The following IFT122 variants were observed in gnomAD, a reference collection of about 807,000 sequenced individuals.
IFT122 encodes the protein intraflagellar transport 122.
IFT122 carries 118 observed loss-of-function variants against 161.6 expected under a neutral mutation model. The observed-to-expected ratio is 0.73, with a 90% CI of 0.63 to 0.85. The LOEUF is 0.85. IFT122 is among the 40% of genes least tolerant of loss of function. The pLI is 0.00. For missense variants in IFT122, 1,381 were observed against 1,579.6 expected (o/e 0.87, Z 2.13); for synonymous variants, 550 against 602.4 (o/e 0.91, Z 1.27).
chr3:129,445,325 C>CAA (rs150690971), intron 1 of IFT122, among the ~76,000 whole-genome samples: 2 of 151,128 alleles, frequency 1.3e-5, no homozygotes, highest in South Asian at 2.1e-4. Flanking sequence ...GACTCCACCT[C>CAA]AAAAAAAACA....
chr3:129,449,099 C>T (rs1254253688), intron 1 of IFT122, among the ~76,000 whole-genome samples: 2 of 152,120 alleles, frequency 1.3e-5, no homozygotes, highest in East Asian at 1.9e-4. Flanking sequence ...GAAGTTCTGC[C>T]GAAGACTCTT....
At chr3:129,470,227 G>C (rs2077218987) in intron 9 of IFT122, among the ~76,000 whole-genome samples, 1 of 151,688 alleles carries the variant, frequency 6.6e-6, no homozygotes, top group Non-Finnish European at 1.5e-5. Context: ...GAGGAACATG[G>C]GGGTATGATT....
chr3:129,466,495 C>CTTTTTTTTTTTTTTTTTTTT (rs527470540), intron 7 of IFT122, among the ~76,000 whole-genome samples: 34 of 102,174 alleles, frequency 3.3e-4, no homozygotes, highest in East Asian at 2.1e-3. Flanking sequence ...TATTTTTATT[C>CTTTTTTTTTTTTTTTTTTTT]TTTTTTTTTT....
Position 129,483,553 on chromosome 3 carries a change from C to A in IFT122, c.1722C>A (p.Gly574=), listed in dbSNP as rs1402085331. Reference sequence around the variant, plus strand: ...ACATGCTCTGCTTCTCGGGAGGAGGCTACCTCAACATCAAAGCCAGCACCT... The same window carrying A: ...ACATGCTCTGCTTCTCGGGAGGAGGATACCTCAACATCAAAGCCAGCACCT... ...CEDMLCFSGG[G]YLNIKASTFP... is the part of the protein sequence containing the mutation. The change falls in exon 15 of 30, where the codon GGC becomes GGA. Residue 574 remains glycine (G), a synonymous_variant. Transcript: ENST00000348417. The A allele has an allele frequency of 6.2e-7, 1 of 1,613,980 alleles. No individual in the cohort carries two copies. Among genetic ancestry groups the A allele is most frequent in the Admixed American group, 1.7e-5 (1 of 59,992 alleles).
Position 129,512,671 on chromosome 3 carries a change from A to G in IFT122, c.2987+259A>G, listed in dbSNP as rs755849779. ...GGTCTCTGGCCAACACACTGTCCCA[A>G]TCCCTCCTAGAACCCACAGATGAGG... On this transcript the variant is annotated intron_variant, in intron 24 of 29. Transcript: ENST00000348417. The G allele has an allele frequency of 5.8e-4, 311 of 536,978 alleles. No homozygotes were observed. The Middle Eastern group carries it at 0.012, about 20-fold the overall frequency. The allele number at this position is 536,978 out of a possible 1,614,324, so 33.3% of individuals were successfully genotyped here. A position where few individuals can be genotyped will look rare whatever the true frequency, so the allele number is the denominator to read the frequency against.
intron 17 of IFT122, among the ~76,000 whole-genome samples, chr3:129,494,580 T>A (rs1423470009): frequency 6.6e-6 from 1 of 152,178 alleles, no homozygotes; most frequent in African/African-American, 2.4e-5. Context: ...AGGAAACTGC[T>A]AGGGCTCAGG....
chr3:129,450,058 C>G (rs2074579450), intron 2 of IFT122, 121 bp downstream of exon 2: 1 of 736,998 alleles, frequency 1.4e-6, no homozygotes, highest in African/African-American at 1.8e-5. Context: ...GAAAAACCTT[C>G]CCTATTACTT....
chr3:129,465,145 GT>G (rs140198258), intron 7 of IFT122, among the ~76,000 whole-genome samples: 2 of 138,648 alleles, frequency 1.4e-5, no homozygotes, highest in African/African-American at 5.7e-5. Context: ...GTGTGTGTGT[GT>G]GTGTGTGTGT....
At chr3:129,468,436 C>G (rs1400420689) in intron 8 of IFT122, among the ~76,000 whole-genome samples, 1 of 152,190 alleles carries the variant, frequency 6.6e-6, no homozygotes. Flanking sequence ...TTCCGCCTCC[C>G]GGGTTCTAAG....
intron 1 of IFT122, among the ~76,000 whole-genome samples, chr3:129,443,593 CTAGGACAG>C (rs1325459751): frequency 2.0e-5 from 3 of 152,196 alleles, no homozygotes; most frequent in Non-Finnish European, 4.4e-5. Context: ...TATTACATGT[CTAGGACAG>C]TGCCATGCAC....
intron 23 of IFT122, among the ~76,000 whole-genome samples, chr3:129,511,914 C>G (rs1173038240): frequency 6.6e-6 from 1 of 152,190 alleles, no homozygotes. Flanking sequence ...TCTTTTAGAG[C>G]TAATTGGAGA....
At chr3:129,455,579 T>A (rs2075378396) in intron 3 of IFT122, among the ~76,000 whole-genome samples, 1 of 151,472 alleles carries the variant, frequency 6.6e-6, no homozygotes, top group Admixed American at 6.6e-5. Flanking sequence ...AAATAGCTAA[T>A]TTTTTTTTAA....
At chr3:129,466,492 A>ATTTTTTTTTTTTT (rs2076790385) in intron 7 of IFT122, among the ~76,000 whole-genome samples, 1 of 102,174 alleles carries the variant, frequency 9.8e-6, no homozygotes, top group African/African-American at 3.7e-5. Flanking sequence ...TTTTATTTTT[A>ATTTTTTTTTTTTT]TTCTTTTTTT....
chr3:129,485,781 AGTCTTGCTGACTGCACCAAG>A lies in IFT122; in HGVS notation c.1851+2101_1851+2120del, dbSNP rs1461317502. Among the ~76,000 whole-genome samples the A allele has an allele frequency of 2.1e-4, 32 of 152,260 alleles. 1 individual carries two copies. The highest frequency in any genetic ancestry group is 1.5e-5 in the Non-Finnish European group (1 of 68,042). On this transcript the variant is annotated intron_variant, in intron 15 of 29. Transcript: ENST00000348417. ...CCAGGACTTTAAGATTCAGCAGCAA[AGTCTTGCTGACTGCACCAAG>A]GCCATCCTGCTGACGCAGCGGGTCA...
Position 129,476,524 on chromosome 3 carries a change from G to A in IFT122, c.1008+18G>A. On this transcript the variant is annotated intron_variant, in intron 10 of 29. Transcript: ENST00000348417. ...ACTATGTGGTAAGAAGAGAAAGTTT[G>A]TTCTGTGGGGCCATGGCTTGAAGAG... The A allele has an allele frequency of 6.2e-7, 1 of 1,614,068 alleles. No individual in the cohort carries two copies. Among genetic ancestry groups the A allele is most frequent in the Non-Finnish European group, 8.5e-7 (1 of 1,180,018 alleles).
chr3:129,450,062 ATTAC>A lies in IFT122; in HGVS notation c.108+128_108+131del, dbSNP rs956351302. ...AGGCAAGGGTGGAAAAACCTTCCCT[ATTAC>A]TTTTTAATAGGGATGGAAATGGGCT... On this transcript the variant is annotated intron_variant, in intron 2 of 29. Coordinates refer to ENST00000348417, the MANE Select transcript of IFT122 (RefSeq NM_052989.3). The A allele has an allele frequency of 1.4e-5, 10 of 720,888 alleles. No homozygotes were observed. In the African/African-American group the frequency reaches 1.6e-4, roughly 12 times the overall value. 44.7% of individuals were successfully genotyped at this position (720,888 alleles called of 1,614,324 possible).
In IFT122 at chr3:129,506,449, G is replaced by A. The variant is rs781116538; in HGVS notation, c.2691G>A (p.Val897=). 6.2e-7 allele frequency: 1 copy of A among 1,614,222 alleles called. No homozygotes were observed. The highest frequency in any genetic ancestry group is 1.1e-5 in the South Asian group (1 of 91,086). The change falls in exon 22 of 30, where the codon GTG becomes GTA. Residue 897 remains valine (V), a synonymous_variant. Coordinates refer to ENST00000348417, the MANE Select transcript of IFT122 (RefSeq NM_052989.3). ...KAGRQREAVQ[V]LEQLTNNAVA... ...GGCGACAGAGAGAAGCGGTCCAGGT[G>A]CTGGAGCAGCTCACAAACAATGCCG...
intron 12 of IFT122, 71 bp downstream of exon 12, chr3:129,478,289 A>C (rs2078203326): frequency 2.3e-6 from 3 of 1,327,346 alleles, no homozygotes; most frequent in Middle Eastern, 1.8e-4. Context: ...TAGGGTGCCC[A>C]CCTCATGGTT....
Position 129,458,120 on chromosome 3 carries a change from A to G in IFT122, c.194-479A>G, listed in dbSNP as rs543006399. 25 of 163,596 alleles carry G rather than the reference A, an allele frequency of 1.5e-4. No individual in the cohort carries two copies. In the East Asian group the frequency reaches 2.7e-3, roughly 18 times the overall value. 10.1% of individuals were successfully genotyped at this position (163,596 alleles called of 1,614,324 possible). A position where few individuals can be genotyped will look rare whatever the true frequency, so the allele number is the denominator to read the frequency against. ...TGTTAATTAGCTTAATCATTCTTCAATGTGTATGTATATAAAATACCACAT... is the reference window on the plus strand; with the variant it reads ...TGTTAATTAGCTTAATCATTCTTCAGTGTGTATGTATATAAAATACCACAT... On this transcript the variant is annotated intron_variant, in intron 3 of 29. Coordinates refer to ENST00000348417, the MANE Select transcript of IFT122 (RefSeq NM_052989.3).
Sources: gnomAD v4.1 joint callset for allele counts (sites outside exome capture counted in the v4.1 genomes callset) on GRCh38, gnomAD v4.1.1 for gene constraint, MANE v1.5 for transcripts, NCBI Gene and HGNC (gene_info 2026-07-23, HGNC 2026-07-21) for gene names.